Variants in PDE11A observed in about 807,000 individuals in gnomAD.
PDE11A encodes phosphodiesterase 11A.
Under a neutral mutation model 100.5 loss-of-function variants are expected in PDE11A, and 100 were observed. The observed-to-expected ratio is 1.00, with a 90% CI of 0.85 to 1.18. The LOEUF is 1.18. Ranked by LOEUF, PDE11A falls within the 50% of genes most tolerant of loss-of-function variation. The probability of loss-of-function intolerance (pLI) is 0.00; values close to 1 mark genes in which losing one functional copy is unlikely to be tolerated. For synonymous variants in PDE11A, 381 were observed against 420.8 expected (o/e 0.91, Z 1.16); for missense variants, 1,141 against 1,152.6 (o/e 0.99, Z 0.15).
chr2:177,677,867 G>C (rs1012240309), intron 16 of PDE11A: 1 of 152,136 alleles, frequency 6.6e-6, no homozygotes, highest in Non-Finnish European at 1.5e-5. Flanking sequence ...TCAGTTTATA[G>C]TGAGTTAACA....
intron 10 of PDE11A, among the ~76,000 whole-genome samples, chr2:177,754,418 T>C (rs2082064934): frequency 6.6e-6 from 1 of 152,252 alleles, no homozygotes; most frequent in Admixed American, 6.5e-5. Flanking sequence ...CTTTTTATGG[T>C]CTGATGAGCA....
At chr2:177,994,310 A>G (rs372147305) in intron 2 of PDE11A, among the ~76,000 whole-genome samples, 29 of 152,274 alleles carry the variant, frequency 1.9e-4, no homozygotes, top group African/African-American at 7.0e-4. Flanking sequence ...AAAGCTGTAT[A>G]CATGGCATGT....
At chr2:177,805,317 C>G (rs567989280) in intron 9 of PDE11A, among the ~76,000 whole-genome samples, 1 of 152,022 alleles carries the variant, frequency 6.6e-6, no homozygotes, top group East Asian at 1.9e-4. Flanking sequence ...TTACTATATT[C>G]TGGTTTCCAT....
chr2:178,001,033 GAC>G (rs34330646), intron 2 of PDE11A, among the ~76,000 whole-genome samples: 8,444 of 152,132 alleles, frequency 0.056, 293 homozygotes, highest in South Asian at 0.092. Context: ...AGCGACCCTG[GAC>G]ACATTTTTAA....
chr2:177,751,327 C>A (rs1325540318), intron 10 of PDE11A, among the ~76,000 whole-genome samples: 2 of 150,950 alleles, frequency 1.3e-5, no homozygotes, highest in African/African-American at 4.8e-5. Context: ...GCCTGCTCCA[C>A]CCAGAACCTT....
intron 5 of PDE11A, among the ~76,000 whole-genome samples, chr2:177,848,800 AC>A (rs1343135834): frequency 1.3e-5 from 2 of 151,908 alleles, no homozygotes; most frequent in African/African-American, 4.8e-5. Context: ...AAAATAAAAT[AC>A]CCCAGAACAA....
In PDE11A at chr2:177,628,856, G is replaced by C; in HGVS notation, c.*551C>G. The C allele has an allele frequency of 5.8e-6, 1 of 173,866 alleles. No individual in the cohort carries two copies. Among genetic ancestry groups the C allele is most frequent in the Non-Finnish European group, 1.2e-5 (1 of 80,384 alleles). The allele number at this position is 173,866 out of a possible 1,614,324, so 10.8% of individuals were successfully genotyped here. On this transcript the variant is annotated 3_prime_UTR_variant, in exon 20 of 20. Coordinates refer to ENST00000286063, the MANE Select transcript of PDE11A (RefSeq NM_016953.4). The stretch of plus-strand genomic sequence containing the variant: ...GATCAGTATTTATAAGGATAGTATA[G>C]TTTACCTTTTAGGTAGGCAATTCTA...
intron 2 of PDE11A, among the ~76,000 whole-genome samples, chr2:177,961,086 C>T (rs756462166): frequency 6.6e-6 from 1 of 152,142 alleles, no homozygotes; most frequent in Non-Finnish European, 1.5e-5. Flanking sequence ...TAAAATGCTT[C>T]CTCTTACAAA....
At chr2:178,021,955 C>G (rs2086418663) in intron 1 of PDE11A, among the ~76,000 whole-genome samples, 1 of 152,104 alleles carries the variant, frequency 6.6e-6, no homozygotes, top group Non-Finnish European at 1.5e-5. Flanking sequence ...CAGCTGGAGG[C>G]TGATGAGAGG....
At chr2:177,949,309 T>C (rs2085479055) in intron 2 of PDE11A, among the ~76,000 whole-genome samples, 2 of 152,300 alleles carry the variant, frequency 1.3e-5, no homozygotes, top group South Asian at 2.1e-4. Context: ...AAAAGCAACA[T>C]GTACTCATTA....
At chr2:177,854,560 C>T (rs1049503975) in intron 5 of PDE11A, among the ~76,000 whole-genome samples, 1 of 151,978 alleles carries the variant, frequency 6.6e-6, no homozygotes, top group African/African-American at 2.4e-5. Context: ...AATATGGAAT[C>T]CCAGAAGTAT....
intron 2 of PDE11A, among the ~76,000 whole-genome samples, chr2:177,942,907 T>C (rs1278706329): frequency 2.0e-5 from 3 of 152,150 alleles, no homozygotes; most frequent in South Asian, 2.1e-4. Context: ...AACCATCCTT[T>C]TACTTTCTGT....
At chr2:177,908,151 A>G (rs372155228) in intron 2 of PDE11A, among the ~76,000 whole-genome samples, 2 of 152,226 alleles carry the variant, frequency 1.3e-5, no homozygotes, top group East Asian at 3.8e-4. Context: ...AAAGTCATAC[A>G]TATCTTTCAT....
intron 4 of PDE11A, among the ~76,000 whole-genome samples, chr2:177,897,549 G>A (rs1022943783): frequency 5.9e-5 from 9 of 152,186 alleles, no homozygotes; most frequent in African/African-American, 9.7e-5. Context: ...GCCCAGCTTC[G>A]GTTGGCCATT....
At chr2:177,969,332 T>C (rs2085739687) in intron 2 of PDE11A, among the ~76,000 whole-genome samples, 1 of 152,086 alleles carries the variant, frequency 6.6e-6, no homozygotes. Flanking sequence ...GCTGAAAACC[T>C]AGATGATGGG....
chr2:177,677,745 T>C (rs992982788), intron 16 of PDE11A: 5 of 152,216 alleles, frequency 3.3e-5, no homozygotes, highest in African/African-American at 1.2e-4. Flanking sequence ...AGCAGTTCTA[T>C]GTTATTTTTT....
chr2:177,891,670 T>C (rs2084531497), intron 4 of PDE11A, among the ~76,000 whole-genome samples: 1 of 152,254 alleles, frequency 6.6e-6, no homozygotes, highest in Non-Finnish European at 1.5e-5. Context: ...AAGGATTATC[T>C]AGAACAGTGG....
chr2:177,968,588 G>A (rs2085728365), intron 2 of PDE11A, among the ~76,000 whole-genome samples: 1 of 152,084 alleles, frequency 6.6e-6, no homozygotes, highest in Non-Finnish European at 1.5e-5. Context: ...CAATTCAGGT[G>A]AAAATACTCA....
chr2:178,035,114 A>G (rs540158907), intron 1 of PDE11A, among the ~76,000 whole-genome samples: 5 of 152,306 alleles, frequency 3.3e-5, no homozygotes, highest in African/African-American at 1.2e-4. Context: ...CATTAACAAA[A>G]TAGATGGACC....
Sources: gnomAD v4.1 joint callset for allele counts (sites outside exome capture counted in the v4.1 genomes callset) on GRCh38, gnomAD v4.1.1 for gene constraint, MANE v1.5 for transcripts, NCBI Gene and HGNC (gene_info 2026-07-23, HGNC 2026-07-21) for gene names.